The following CDRT4 variants were observed in gnomAD, a reference collection of about 807,000 sequenced individuals.
CDRT4 encodes the protein CMT1A duplicated region transcript 4 protein.
For missense variants in CDRT4, 167 were observed against 193.1 expected, an observed-to-expected ratio of 0.87 and a Z score of 0.80; for synonymous variants, 64 against 69.6, an observed-to-expected ratio of 0.92 and a Z score of 0.40.
At position 15,442,829 on chromosome 17, in the gene CDRT4, A is replaced by G. The variant is rs983809624; in HGVS notation, c.-47-2544T>C. ...ATGGGGAGGACTTGTTTGTTTGAAAATAACAGGAGACAAATAGTTGACATT... is the reference window on the plus strand; with the variant it reads ...ATGGGGAGGACTTGTTTGTTTGAAAGTAACAGGAGACAAATAGTTGACATT... On this transcript the variant is annotated intron_variant, in intron 2 of 3. Coordinates refer to ENST00000619038, the MANE Select transcript of CDRT4 (RefSeq NM_001204477.2). Among the ~76,000 whole-genome samples the G allele has an allele frequency of 2.0e-5, 3 of 152,246 alleles. No individual in the cohort carries two copies. The South Asian group carries it at 6.2e-4, about 32-fold the overall frequency.
intron 2 of CDRT4, among the ~76,000 whole-genome samples, chr17:15,442,261 T>C (rs1978798320): frequency 6.6e-6 from 1 of 151,926 alleles, no homozygotes; most frequent in Non-Finnish European, 1.5e-5. Context: ...ATATACAAAA[T>C]TAGCTGGGCG....
At chr17:15,465,853 G>C (rs1040341458) in intron 1 of CDRT4, among the ~76,000 whole-genome samples, 2 of 151,768 alleles carry the variant, frequency 1.3e-5, no homozygotes, top group African/African-American at 4.8e-5. Context: ...AGCGCGCATC[G>C]TGAGGACTCC....
At chr17:15,459,109 C>T (rs1374111608) in intron 1 of CDRT4, among the ~76,000 whole-genome samples, 1 of 152,184 alleles carries the variant, frequency 6.6e-6, no homozygotes, top group African/African-American at 2.4e-5. Flanking sequence ...CTATGCCAAA[C>T]TGTGCTGTCA....
chr17:15,465,317 ACAC>A lies in CDRT4; in HGVS notation c.-130+2140_-130+2142del, dbSNP rs1475681750. On this transcript the variant is annotated intron_variant, in intron 1 of 3. Coordinates refer to ENST00000619038, the MANE Select transcript of CDRT4 (RefSeq NM_001204477.2). ...ACCAGACACACCAACACACAGACACACACAACACAGACATGCACAACACAGACA... is the reference window on the plus strand; with the variant it reads ...ACCAGACACACCAACACACAGACACAAACACAGACATGCACAACACAGACA... Among the ~76,000 whole-genome samples, 6 of 149,562 alleles carry A rather than the reference ACAC, an allele frequency of 4.0e-5. No individual in the cohort carries two copies. In the South Asian group the frequency reaches 6.5e-4, roughly 16 times the overall value.
chr17:15,446,474 T>C (rs959504053), intron 2 of CDRT4, among the ~76,000 whole-genome samples: 5 of 151,930 alleles, frequency 3.3e-5, no homozygotes, highest in African/African-American at 1.2e-4. Context: ...AGGGGCGAAT[T>C]GGTCTTTCGG....
intron 1 of CDRT4, among the ~76,000 whole-genome samples, chr17:15,454,077 C>T (rs1044615230): frequency 3.9e-5 from 6 of 152,106 alleles, no homozygotes; most frequent in African/African-American, 1.4e-4. Flanking sequence ...CACATCTTGC[C>T]AAAACTGAGT....
At chr17:15,461,231 G>A (rs1401350248) in intron 1 of CDRT4, among the ~76,000 whole-genome samples, 1 of 152,178 alleles carries the variant, frequency 6.6e-6, no homozygotes, top group Non-Finnish European at 1.5e-5. Flanking sequence ...TGTCTTTTCT[G>A]TCATGTATAT....
chr17:15,440,304 G>A lies in CDRT4; in HGVS notation c.-47-19C>T. On this transcript the variant is annotated intron_variant, in intron 2 of 3. Coordinates refer to ENST00000619038, the MANE Select transcript of CDRT4 (RefSeq NM_001204477.2). ...CAGATTCCTATGGGAAAATACACTT[G>A]TTAGCCAGAGCCTCCTCAAACTGGA... The A allele has an allele frequency of 6.2e-7, 1 of 1,607,186 alleles. No homozygotes were observed. The highest frequency in any genetic ancestry group is 8.5e-7 in the Non-Finnish European group (1 of 1,179,272).
chr17:15,447,465 G>T (rs1979077024), intron 2 of CDRT4, among the ~76,000 whole-genome samples: 1 of 152,178 alleles, frequency 6.6e-6, no homozygotes, highest in African/African-American at 2.4e-5. Context: ...CGGGATCCAT[G>T]TTCTTCTTCC....
chr17:15,453,747 A>G (rs1416445273), intron 1 of CDRT4, among the ~76,000 whole-genome samples: 1 of 152,228 alleles, frequency 6.6e-6, no homozygotes, highest in Non-Finnish European at 1.5e-5. Context: ...AAAGTGTAGC[A>G]TGGAATTCAG....
In CDRT4 at chr17:15,465,312, GAC is replaced by G. The variant is rs1979977298; in HGVS notation, c.-130+2146_-130+2147del. 1.5e-5 allele frequency among the ~76,000 whole-genome samples: 2 copies of G among 129,728 alleles called. 1 individual carries two copies. Among genetic ancestry groups the G allele is most frequent in the African/African-American group, 6.1e-5 (2 of 32,704 alleles). The allele number at this position is 129,728 out of a possible 152,430, so 85.1% of individuals were successfully genotyped here. On this transcript the variant is annotated intron_variant, in intron 1 of 3. Transcript: ENST00000619038. The stretch of plus-strand genomic sequence containing the variant: ...CCAACACCAGACACACCAACACACA[GAC>G]ACACACAACACAGACATGCACAACA...
chr17:15,436,158 A>C lies in CDRT4; in HGVS notation c.*1615T>G, dbSNP rs1978475074. 2 of 152,238 alleles carry C rather than the reference A, an allele frequency of 1.3e-5. No individual in the cohort carries two copies. The highest frequency in any genetic ancestry group is 4.8e-5 in the African/African-American group (2 of 41,458). The allele number at this position is 152,238 out of a possible 1,614,324, so 9.4% of individuals were successfully genotyped here. ...TGGCCAACAGTTGGGAACCAATAAC[A>C]GGTCTAGAGCTCCTAATTTAGGCAG... is the stretch of plus-strand genomic sequence containing the variant. On this transcript the variant is annotated 3_prime_UTR_variant, in exon 4 of 4. Transcript: ENST00000619038.
rs1174935225 is a variant in CDRT4 at position 15,450,775 on chromosome 17, C to T, written c.-48+2229G>A. Reference sequence around the variant, plus strand: ...TTTCATGGTTCAAACAAACTCTTGACCTTACTCCATAAAATGTTCCTCTCT... The same window carrying T: ...TTTCATGGTTCAAACAAACTCTTGATCTTACTCCATAAAATGTTCCTCTCT... On this transcript the variant is annotated intron_variant, in intron 2 of 3. Coordinates refer to ENST00000619038, the MANE Select transcript of CDRT4 (RefSeq NM_001204477.2). The surrounding 1 kb of genome is among the most constrained non-coding windows in gnomAD (Gnocchi z 4.2). Among the ~76,000 whole-genome samples, 3 of 152,128 alleles carry T rather than the reference C, an allele frequency of 2.0e-5. No individual in the cohort carries two copies. Among genetic ancestry groups the T allele is most frequent in the Non-Finnish European group, 4.4e-5 (3 of 68,032 alleles).
intron 3 of CDRT4, 61 bp from the exon 4 acceptor site, chr17:15,438,261 CAA>C (rs1429735098): frequency 2.0e-6 from 3 of 1,528,694 alleles, no homozygotes; most frequent in Admixed American, 2.0e-5. Flanking sequence ...CTTGATTCTT[CAA>C]AAAATGGGAA....
chr17:15,439,951 AG>A (rs764175874), intron 3 of CDRT4, among the ~76,000 whole-genome samples: 9 of 151,826 alleles, frequency 5.9e-5, no homozygotes, highest in Non-Finnish European at 1.0e-4. Context: ...TGGTGGGGAG[AG>A]GGGGGAGGGA....
At chr17:15,452,185 T>C (rs1979292131) in intron 2 of CDRT4, among the ~76,000 whole-genome samples, 1 of 152,234 alleles carries the variant, frequency 6.6e-6, no homozygotes, top group Non-Finnish European at 1.5e-5. Context: ...AGGCCTGGGT[T>C]CAAATCCTAG....
At chr17:15,446,046 C>G (rs1979009050) in intron 2 of CDRT4, among the ~76,000 whole-genome samples, 1 of 152,116 alleles carries the variant, frequency 6.6e-6, no homozygotes, top group Non-Finnish European at 1.5e-5. Flanking sequence ...CCACTAAAGC[C>G]AGAAGTGTCT....
At chr17:15,467,388 G>A (rs1382105518) in intron 1 of CDRT4, 72 bp downstream of exon 1, 1 of 152,192 alleles carries the variant, frequency 6.6e-6, no homozygotes, top group African/African-American at 2.4e-5. Context: ...TGGAAGTTGA[G>A]TGTGAGCCTT....
intron 2 of CDRT4, among the ~76,000 whole-genome samples, chr17:15,451,944 G>T (rs1979282193): frequency 6.6e-6 from 1 of 152,114 alleles, no homozygotes; most frequent in Non-Finnish European, 1.5e-5. Flanking sequence ...CCAGGCTCTT[G>T]GGTCAAAATC....
Sources: allele counts gnomAD v4.1 joint callset (sites outside exome capture counted in the v4.1 genomes callset), GRCh38; gene constraint gnomAD v4.1.1; non-coding constraint Gnocchi (gnomAD v3.1); transcripts MANE v1.5; gene names NCBI Gene and HGNC (gene_info 2026-07-23, HGNC 2026-07-21).